Variants in SLC45A2 observed in about 807,000 individuals in gnomAD.
SLC45A2 encodes membrane-associated transporter protein.
A neutral mutation model predicts 45.5 loss-of-function variants in SLC45A2; 36 were observed. That is an observed-to-expected ratio of 0.79 (90% confidence interval 0.61 to 1.04). The LOEUF (loss-of-function observed/expected upper bound fraction) is 1.04, where lower values mean the gene tolerates loss of function less well. Among genes scored for constraint, SLC45A2 ranks in the 50% least tolerant of loss-of-function variants. SLC45A2 has a pLI of 0.00. For missense variants in SLC45A2, 719 were observed against 671.0 expected, an observed-to-expected ratio of 1.07 and a Z score of -0.79; for synonymous variants, 306 against 269.3, an observed-to-expected ratio of 1.14 and a Z score of -1.33.
At position 33,951,821 on chromosome 5, in the gene SLC45A2, C is replaced by T. The variant is rs904517277; in HGVS notation, c.1033-144G>A. 5.3e-6 allele frequency: 5 copies of T among 948,618 alleles called. No homozygotes were observed. In the African/African-American group the frequency reaches 8.0e-5, roughly 15 times the overall value. The allele number at this position is 948,618 out of a possible 1,614,324, so 58.8% of individuals were successfully genotyped here. ...AGTACAGAGCTGATGCTGTCATGAC[C>T]AAGTCGCATCCTATCACATCTTCAT... On this transcript the variant is annotated intron_variant, in intron 4 of 6. Transcript: ENST00000296589.
chr5:33,969,065 C>CTCTCTCTCTCTCTGTGTGTGTGTG, intron 2 of SLC45A2, among the ~76,000 whole-genome samples: 6 of 102,464 alleles, frequency 5.9e-5, no homozygotes, highest in African/African-American at 1.8e-4. Flanking sequence ...CTCTCTCTCT[C>CTCTCTCTCTCTCTGTGTGTGTGTG]TGTGTGTGTG....
chr5:33,983,318 GATT>G (rs1188324335), intron 1 of SLC45A2, among the ~76,000 whole-genome samples: 1 of 151,944 alleles, frequency 6.6e-6, no homozygotes, highest in Non-Finnish European at 1.5e-5. Context: ...GAATAGCATA[GATT>G]ATATACACGT....
chr5:33,945,209 T>C (rs1382575333), intron 6 of SLC45A2, among the ~76,000 whole-genome samples: 1 of 152,250 alleles, frequency 6.6e-6, no homozygotes, highest in Non-Finnish European at 1.5e-5. Context: ...AACCTTCTTT[T>C]GAAAGTTTTT....
chr5:33,952,837 TC>T (rs1461742309), intron 4 of SLC45A2, among the ~76,000 whole-genome samples: 7 of 96,120 alleles, frequency 7.3e-5, no homozygotes, highest in Non-Finnish European at 1.4e-4. Context: ...ATGCTATCCC[TC>T]CCCCCTCCCC....
rs371152353 is a variant in SLC45A2 at position 33,947,384 on chromosome 5, G to A, written c.1157-10C>T. ...AAAACTTTCTGAAAGTCTGTGGGAA[G>A]AAGAGAGGGAGAAATTACAGCTGGC... On this transcript the variant is annotated splice_polypyrimidine_tract_variant and intron_variant, in intron 5 of 6. Coordinates refer to ENST00000296589, the MANE Select transcript of SLC45A2 (RefSeq NM_016180.5). 2.4e-5 allele frequency: 39 copies of A among 1,611,832 alleles called. No individual in the cohort carries two copies. The African/African-American group carries it at 4.8e-4, about 20-fold the overall frequency.
chr5:33,948,023 A>T (rs1367316180), intron 5 of SLC45A2, among the ~76,000 whole-genome samples: 2 of 152,210 alleles, frequency 1.3e-5, no homozygotes. Flanking sequence ...CTTGGTAAAC[A>T]AGTTCCTTGA....
intron 2 of SLC45A2, among the ~76,000 whole-genome samples, chr5:33,969,209 C>T (rs911308226): frequency 6.6e-6 from 1 of 151,682 alleles, no homozygotes; most frequent in East Asian, 1.9e-4. Flanking sequence ...ATGACCTCTG[C>T]CCTCTTGGAG....
At chr5:33,961,412 T>C (rs1335315959) in intron 3 of SLC45A2, among the ~76,000 whole-genome samples, 1 of 152,182 alleles carries the variant, frequency 6.6e-6, no homozygotes, top group Non-Finnish European at 1.5e-5. Flanking sequence ...AGTTACAAAC[T>C]CTGTGATCTA....
At chr5:33,960,136 T>C (rs1345464437) in intron 3 of SLC45A2, among the ~76,000 whole-genome samples, 3 of 152,328 alleles carry the variant, frequency 2.0e-5, no homozygotes, top group East Asian at 3.9e-4. Flanking sequence ...ATCGTAGCTC[T>C]ACTTTCAGTT....
intron 2 of SLC45A2, among the ~76,000 whole-genome samples, chr5:33,970,623 C>A (rs1425282374): frequency 6.6e-6 from 1 of 152,204 alleles, no homozygotes; most frequent in Non-Finnish European, 1.5e-5. Context: ...CACTAACCAG[C>A]TGTGTGACCT....
chr5:33,948,232 G>A (rs1376991841), intron 5 of SLC45A2, among the ~76,000 whole-genome samples: 1 of 152,184 alleles, frequency 6.6e-6, no homozygotes, highest in Non-Finnish European at 1.5e-5. Context: ...TCTTCTAGCA[G>A]GTCAACTTGG....
At chr5:33,946,771 C>T (rs57959046) in intron 6 of SLC45A2, 10 of 1,131,974 alleles carry the variant, frequency 8.8e-6, no homozygotes, top group East Asian at 5.9e-5. Context: ...CCCTTATTGT[C>T]GGTATCTAGA....
chr5:33,968,989 A>G (rs1030974993), intron 2 of SLC45A2, among the ~76,000 whole-genome samples: 7 of 151,236 alleles, frequency 4.6e-5, no homozygotes, highest in African/African-American at 1.7e-4. Flanking sequence ...CATGCTTCCT[A>G]CTTATTCCCA....
chr5:33,980,053 C>G (rs1281469126), intron 2 of SLC45A2, among the ~76,000 whole-genome samples: 2 of 152,140 alleles, frequency 1.3e-5, no homozygotes, highest in African/African-American at 4.8e-5. Context: ...ATATCGAGTT[C>G]AAAAGCCAGA....
Position 33,982,230 on chromosome 5 carries a change from C to T in SLC45A2, c.562+6G>A. On this transcript the variant is annotated splice_donor_region_variant and intron_variant, in intron 2 of 6. Coordinates refer to ENST00000296589, the MANE Select transcript of SLC45A2 (RefSeq NM_016180.5). Reference sequence around the variant, plus strand: ...TGAAGGAGAGACTTTCTGGAATATTCCCTACCTGTGAAGAGGGCATGGTAG... The same window carrying T: ...TGAAGGAGAGACTTTCTGGAATATTTCCTACCTGTGAAGAGGGCATGGTAG... 1 of 1,613,926 alleles carries T rather than the reference C, an allele frequency of 6.2e-7. No individual in the cohort carries two copies. Among genetic ancestry groups the T allele is most frequent in the Non-Finnish European group, 8.5e-7 (1 of 1,179,886 alleles).
chr5:33,979,876 T>C lies in SLC45A2; in HGVS notation c.562+2360A>G, dbSNP rs1173908953. On this transcript the variant is annotated intron_variant, in intron 2 of 6. Transcript: ENST00000296589. Reference sequence around the variant, plus strand: ...CTGGGGGTTAGAATTTTAATTCTGGTTTACAATACTATCATGTATTGGCCT... The same window carrying C: ...CTGGGGGTTAGAATTTTAATTCTGGCTTACAATACTATCATGTATTGGCCT... Among the ~76,000 whole-genome samples, 5 of 152,182 alleles carry C rather than the reference T, an allele frequency of 3.3e-5. No individual in the cohort carries two copies. In the East Asian group the frequency reaches 7.7e-4, roughly 23 times the overall value.
At chr5:33,951,262 C>T (rs958515442) in intron 5 of SLC45A2, 1 of 616,430 alleles carries the variant, frequency 1.6e-6, no homozygotes, top group Non-Finnish European at 2.5e-6. Context: ...TGGGACTCAT[C>T]CATCCAACAC....
Position 33,947,250 on chromosome 5 carries a change from C to T in SLC45A2, c.1281G>A (p.Leu427=). Residue 427 remains leucine, a synonymous_variant, in exon 6 of 7, where the codon CTG becomes CTA. Coordinates refer to ENST00000296589, the MANE Select transcript of SLC45A2 (RefSeq NM_016180.5). ...LFPNVYSTLV[L]CSLFGVMSST... ...TGGACATTACACCAAACAGGCTGCA[C>T]AGGACCAGGGTGGAGTAGACATTCG... The T allele has an allele frequency of 1.2e-6, 2 of 1,614,216 alleles. No individual in the cohort carries two copies. The highest frequency in any genetic ancestry group is 1.7e-6 in the Non-Finnish European group (2 of 1,180,034).
In SLC45A2 at chr5:33,944,659, A is replaced by G. The variant is rs1751868507; in HGVS notation, c.1582T>C (p.Tyr528His). The G allele has an allele frequency of 1.2e-6, 2 of 1,613,984 alleles. No individual in the cohort carries two copies. Among genetic ancestry groups the G allele is most frequent in the African/African-American group, 2.7e-5 (2 of 74,912 alleles). The change falls in exon 7 of 7, where the codon TAT becomes CAT. Residue 528 changes from tyrosine to histidine, a missense_variant. Physicochemically the swap from Tyr to His is moderately conservative, Grantham distance 83. Coordinates refer to ENST00000296589, the MANE Select transcript of SLC45A2 (RefSeq NM_016180.5). ...GTCTCTTTATTGACCTAATCCACAT[A>G]TCTAACAAAGAGAGCGACAAAGCAA... ...GCCFVALFVRYVD is the reference protein window; with the variant it reads ...GCCFVALFVRHVD
Sources: gnomAD v4.1 joint callset for allele counts (sites outside exome capture counted in the v4.1 genomes callset) on GRCh38, gnomAD v4.1.1 for gene constraint, MANE v1.5 for transcripts, NCBI Gene and HGNC (gene_info 2026-07-23, HGNC 2026-07-21) for gene names.